The following TRAPPC9 variants were observed in gnomAD, a reference collection of about 807,000 sequenced individuals.
The protein encoded by TRAPPC9 is IKK2 binding protein.
In TRAPPC9, 83 loss-of-function variants were observed where a neutral mutation model predicts 124.0. The ratio of observed to expected loss-of-function variants is 0.67; its 90% CI spans 0.56 to 0.80. The LOEUF is 0.80. TRAPPC9 is among the 30% of genes least tolerant of loss of function. TRAPPC9 has a pLI of 0.00. For missense variants in TRAPPC9, 1,302 were observed against 1,508.3 expected, an observed-to-expected ratio of 0.86 and a Z score of 2.27; for synonymous variants, 638 against 617.5, an observed-to-expected ratio of 1.03 and a Z score of -0.49.
At chr8:140,383,567 T>C (rs765409659) in intron 7 of TRAPPC9, among the ~76,000 whole-genome samples, 87 of 152,200 alleles carry the variant, frequency 5.7e-4, no homozygotes, top group African/African-American at 2.0e-3. Context: ...GTATCAGTGA[T>C]TGAAGATCAA....
intron 17 of TRAPPC9, among the ~76,000 whole-genome samples, chr8:140,203,243 G>A (rs748123769): frequency 6.7e-4 from 102 of 152,096 alleles, no homozygotes; most frequent in Non-Finnish European, 3.4e-4. Flanking sequence ...TTTGAATTAC[G>A]GGGAAAACAC....
chr8:139,792,467 C>T lies in TRAPPC9; in HGVS notation c.3056-60265G>A, dbSNP rs540752323. Among the ~76,000 whole-genome samples the T allele has an allele frequency of 1.5e-4, 23 of 152,288 alleles. No individual in the cohort carries two copies. In the South Asian group the frequency reaches 3.5e-3, roughly 23 times the overall value. ...GGGCCTGGCATGGTGTGCTGTGGGG[C>T]GCTTACATACACAGATGCACTTGGG... On this transcript the variant is annotated intron_variant, in intron 21 of 22. Transcript: ENST00000438773.
intron 11 of TRAPPC9, among the ~76,000 whole-genome samples, chr8:140,291,443 A>T (rs1220158784): frequency 1.3e-5 from 2 of 152,244 alleles, no homozygotes; most frequent in Non-Finnish European, 2.9e-5. Flanking sequence ...ACTTGTGAGT[A>T]ACACGGAGTG....
chr8:139,824,440 C>T lies in TRAPPC9; in HGVS notation c.3055+61439G>A, dbSNP rs137958556. On this transcript the variant is annotated intron_variant, in intron 21 of 22. Transcript: ENST00000438773. ...CCACAGGAGAGGCAGTGGAGCACGT[C>T]GGGCGGTGGAGGAAACCCACGTCTG... is the stretch of plus-strand genomic sequence containing the variant. Among the ~76,000 whole-genome samples, 1,271 of 152,308 alleles carry T rather than the reference C, an allele frequency of 8.3e-3. 11 individuals carry two copies. The highest frequency in any genetic ancestry group is 0.029 in the South Asian group (142 of 4,830).
intron 17 of TRAPPC9, among the ~76,000 whole-genome samples, chr8:140,214,579 A>G (rs1186285586): frequency 6.6e-6 from 1 of 152,206 alleles, no homozygotes; most frequent in Non-Finnish European, 1.5e-5. Flanking sequence ...CTCTTTTATC[A>G]TTTAAGCCTC....
intron 21 of TRAPPC9, among the ~76,000 whole-genome samples, chr8:139,785,544 A>G (rs1822167997): frequency 8.2e-6 from 1 of 122,562 alleles, no homozygotes; most frequent in Admixed American, 7.7e-5. Context: ...CTAAACACAC[A>G]CACACACACA....
intron 19 of TRAPPC9, chr8:139,931,191 A>G (rs994441503): frequency 7.2e-5 from 11 of 152,342 alleles, no homozygotes; most frequent in Admixed American, 5.2e-4. Context: ...CTAATCTGAA[A>G]AATGAGAATA....
At chr8:140,394,794 C>A (rs999825797) in intron 7 of TRAPPC9, among the ~76,000 whole-genome samples, 1 of 152,170 alleles carries the variant, frequency 6.6e-6, no homozygotes, top group African/African-American at 2.4e-5. Flanking sequence ...CTCAGAGGCT[C>A]CTCAGCACCA....
chr8:140,106,213 A>T (rs2060661130), intron 17 of TRAPPC9, among the ~76,000 whole-genome samples: 1 of 152,224 alleles, frequency 6.6e-6, no homozygotes, highest in South Asian at 2.1e-4. Flanking sequence ...CAGCCATCAG[A>T]TCGTGCCATC....
intron 18 of TRAPPC9, among the ~76,000 whole-genome samples, chr8:139,989,833 C>T (rs1025926622): frequency 3.9e-5 from 6 of 152,192 alleles, no homozygotes; most frequent in African/African-American, 1.4e-4. Flanking sequence ...GATAGGTTAA[C>T]GTCACAGTTG....
At chr8:139,937,961 T>A (rs1484802782) in intron 19 of TRAPPC9, among the ~76,000 whole-genome samples, 1 of 152,002 alleles carries the variant, frequency 6.6e-6, no homozygotes, top group African/African-American at 2.4e-5. Flanking sequence ...TGGCCCTGAG[T>A]CTTCGGGGAT....
intron 21 of TRAPPC9, among the ~76,000 whole-genome samples, chr8:139,861,171 C>T (rs1486938603): frequency 6.6e-6 from 1 of 152,272 alleles, no homozygotes; most frequent in Non-Finnish European, 1.5e-5. Flanking sequence ...TTTTTACTTT[C>T]TGCAGAAAGG....
In TRAPPC9 at chr8:139,730,883, G is replaced by A. The variant is rs1030204609; in HGVS notation, c.*178C>T. The stretch of plus-strand genomic sequence containing the variant: ...CATGGGGTGGGGCTGCCATGTCCGG[G>A]GCTTCTGCGTAGCCCAGCAAAGATG... On this transcript the variant is annotated 3_prime_UTR_variant, in exon 23 of 23. Coordinates refer to ENST00000438773, the MANE Select transcript of TRAPPC9 (RefSeq NM_001160372.4). 14 of 685,818 alleles carry A rather than the reference G, an allele frequency of 2.0e-5. No homozygotes were observed. The Admixed American group carries it at 3.8e-4, about 18-fold the overall frequency. The allele number at this position is 685,818 out of a possible 1,614,324, so 42.5% of individuals were successfully genotyped here.
At chr8:139,927,995 G>A (rs1349921007) in intron 19 of TRAPPC9, among the ~76,000 whole-genome samples, 2 of 152,202 alleles carry the variant, frequency 1.3e-5, no homozygotes, top group Non-Finnish European at 2.9e-5. Context: ...AGCAACATTT[G>A]TTATACTGAA....
At chr8:140,143,064 G>A (rs2061405689) in intron 17 of TRAPPC9, among the ~76,000 whole-genome samples, 1 of 152,210 alleles carries the variant, frequency 6.6e-6, no homozygotes. Context: ...TGAGTGGCTG[G>A]AGCTCCACAG....
intron 9 of TRAPPC9, among the ~76,000 whole-genome samples, chr8:140,343,910 G>A (rs550814875): frequency 6.6e-6 from 1 of 152,312 alleles, no homozygotes; most frequent in South Asian, 2.1e-4. Context: ...GGAGGGCAGA[G>A]GGAGAGAGGA....
intron 17 of TRAPPC9, among the ~76,000 whole-genome samples, chr8:140,113,617 C>T (rs909191499): frequency 3.3e-5 from 5 of 152,158 alleles, no homozygotes; most frequent in South Asian, 4.1e-4. Flanking sequence ...GCAGACTCAG[C>T]GGGGACCCTC....
intron 17 of TRAPPC9, among the ~76,000 whole-genome samples, chr8:140,150,641 G>A (rs535106825): frequency 3.3e-4 from 50 of 152,142 alleles, no homozygotes; most frequent in Non-Finnish European, 6.5e-4. Context: ...GATCATCCAC[G>A]CAGGGAAAGG....
intron 17 of TRAPPC9, among the ~76,000 whole-genome samples, chr8:140,181,166 A>T (rs1261424853): frequency 6.6e-6 from 1 of 152,092 alleles, no homozygotes; most frequent in Admixed American, 6.5e-5. Flanking sequence ...TATCTTCCAA[A>T]TTACTCTGTC....
Sources: gnomAD v4.1 joint callset for allele counts (sites outside exome capture counted in the v4.1 genomes callset) on GRCh38, gnomAD v4.1.1 for gene constraint, MANE v1.5 for transcripts, NCBI Gene and HGNC (gene_info 2026-07-23, HGNC 2026-07-21) for gene names.